TECPR2: variants seen among roughly 807,000 people sequenced by gnomAD.
TECPR2 encodes the protein tectonin beta-propeller repeat-containing protein 2.
TECPR2 carries 65 observed loss-of-function variants against 138.1 expected under a neutral mutation model. That is an observed-to-expected ratio of 0.47 (90% CI 0.39 to 0.58). The LOEUF is 0.58. Ranked by LOEUF, TECPR2 falls within the 20% of genes least tolerant of loss-of-function variation. TECPR2 has a pLI of 0.00. For missense variants in TECPR2, 1,553 were observed against 1,824.5 expected, an observed-to-expected ratio of 0.85 and a Z score of 2.71; for synonymous variants, 746 against 749.8, an observed-to-expected ratio of 0.99 and a Z score of 0.08.
intron 16 of TECPR2, among the ~76,000 whole-genome samples, chr14:102,463,327 G>A (rs1890456263): frequency 6.8e-6 from 1 of 146,002 alleles, no homozygotes; most frequent in African/African-American, 2.5e-5. Context: ...TGAGGCAGGA[G>A]AATGGCGTGA....
rs1888332040 is a variant in TECPR2 at position 102,396,943 on chromosome 14, TC to T, written c.220-10390del. Among the ~76,000 whole-genome samples the T allele has an allele frequency of 5.3e-5, 8 of 152,226 alleles. No homozygotes were observed. The South Asian group carries it at 1.7e-3, about 32-fold the overall frequency. On this transcript the variant is annotated intron_variant, in intron 2 of 19. Transcript: ENST00000359520. Reference sequence around the variant, plus strand: ...ACACCTCCTCATTATTGCAAGTTCTTCCCCCTCCAATTAACAAGACTTCCAG... The same window carrying T: ...ACACCTCCTCATTATTGCAAGTTCTTCCCCTCCAATTAACAAGACTTCCAG...
chr14:102,474,362 T>C (rs1300374688), intron 17 of TECPR2, among the ~76,000 whole-genome samples: 1 of 152,198 alleles, frequency 6.6e-6, no homozygotes, highest in African/African-American at 2.4e-5. Flanking sequence ...CGGTGGCTCA[T>C]GCCTGTAATG....
chr14:102,386,810 A>ATGT (rs3068224), intron 2 of TECPR2, among the ~76,000 whole-genome samples: 19 of 152,190 alleles, frequency 1.2e-4, no homozygotes, highest in Non-Finnish European at 2.1e-4. Flanking sequence ...TTAAATATTT[A>ATGT]TGTTGTTGTT....
At chr14:102,408,650 C>G in intron 4 of TECPR2, 31 bp downstream of exon 4, 1 of 1,569,242 alleles carries the variant, frequency 6.4e-7, no homozygotes, top group Non-Finnish European at 8.6e-7. Flanking sequence ...ACTGTTGGCT[C>G]TTACCTTCTT....
intron 2 of TECPR2, among the ~76,000 whole-genome samples, chr14:102,406,261 G>C (rs1888655519): frequency 6.6e-6 from 1 of 152,080 alleles, no homozygotes; most frequent in Non-Finnish European, 1.5e-5. Context: ...AAAATTGGGG[G>C]ATGAGGGCTG....
chr14:102,448,833 C>T (rs1390749690), intron 13 of TECPR2, among the ~76,000 whole-genome samples: 2 of 151,980 alleles, frequency 1.3e-5, no homozygotes, highest in African/African-American at 4.8e-5. Flanking sequence ...CACCACTGCA[C>T]TCCAGCCTGG....
intron 17 of TECPR2, among the ~76,000 whole-genome samples, chr14:102,474,608 G>A (rs528070079): frequency 6.6e-6 from 1 of 152,262 alleles, no homozygotes; most frequent in Admixed American, 6.5e-5. Context: ...TGGACAACAA[G>A]AGCGAAACTC....
chr14:102,465,955 C>G lies in TECPR2; in HGVS notation c.3789+666C>G, dbSNP rs1279107523. Among the ~76,000 whole-genome samples, 3 of 152,092 alleles carry G rather than the reference C, an allele frequency of 2.0e-5. No individual in the cohort carries two copies. The East Asian group carries it at 5.8e-4, about 29-fold the overall frequency. ...CTGTGGTTTTTTGAGACTTATTTGC[C>G]CAGACTCCTGCCAGCCCCCATTTGG... On this transcript the variant is annotated intron_variant, in intron 17 of 19. Coordinates refer to ENST00000359520, the MANE Select transcript of TECPR2 (RefSeq NM_014844.5).
intron 17 of TECPR2, among the ~76,000 whole-genome samples, chr14:102,468,668 C>T (rs1890602334): frequency 6.6e-6 from 1 of 152,134 alleles, no homozygotes; most frequent in Non-Finnish European, 1.5e-5. Flanking sequence ...TCATTTGCTT[C>T]TGCTTTTAGT....
rs1399217786 is a variant in TECPR2, at chr14:102,419,939, G to C, written c.639-5040G>C. 6.6e-6 allele frequency among the ~76,000 whole-genome samples: 1 copy of C among 152,148 alleles called. No homozygotes were observed. The highest frequency in any genetic ancestry group is 2.4e-5 in the African/African-American group (1 of 41,416). On this transcript the variant is annotated intron_variant, in intron 5 of 19. Coordinates refer to ENST00000359520, the MANE Select transcript of TECPR2 (RefSeq NM_014844.5). The surrounding 1 kb of genome is among the most constrained non-coding windows in gnomAD (Gnocchi z 4.8). Reference sequence around the variant, plus strand: ...CGCATGTGGGTAAGAGCCAGCAGCCGGTTCTGGAACCCCGCGACTAGCACA... The same window carrying C: ...CGCATGTGGGTAAGAGCCAGCAGCCCGTTCTGGAACCCCGCGACTAGCACA...
Position 102,468,305 on chromosome 14 carries a change from A to G in TECPR2, c.3789+3016A>G, listed in dbSNP as rs904421533. ...TGGATTCAAGTGATTCTACTGCCTC[A>G]GTCTCCTGAGTAGCTAGGATTACAG... On this transcript the variant is annotated intron_variant, in intron 17 of 19. Coordinates refer to ENST00000359520, the MANE Select transcript of TECPR2 (RefSeq NM_014844.5). Among the ~76,000 whole-genome samples the G allele has an allele frequency of 2.0e-5, 3 of 152,124 alleles. No individual in the cohort carries two copies. The East Asian group carries it at 5.8e-4, about 29-fold the overall frequency.
At chr14:102,405,540 G>A (rs1232453806) in intron 2 of TECPR2, among the ~76,000 whole-genome samples, 2 of 152,216 alleles carry the variant, frequency 1.3e-5, no homozygotes, top group African/African-American at 4.8e-5. Context: ...TGGTAAGGAT[G>A]TGAGAAATGG....
At chr14:102,364,564 G>A (rs769863742) in intron 1 of TECPR2, among the ~76,000 whole-genome samples, 36 of 152,176 alleles carry the variant, frequency 2.4e-4, no homozygotes, top group Admixed American at 2.0e-3. Context: ...GAAAACCAGT[G>A]GTGGGGAAGA....
intron 5 of TECPR2, among the ~76,000 whole-genome samples, chr14:102,422,075 A>C (rs1889198116): frequency 6.6e-6 from 1 of 152,188 alleles, no homozygotes; most frequent in South Asian, 2.1e-4. Context: ...GTTGTCTTCT[A>C]AACTTGAATA....
rs1567367211 is a variant in TECPR2, at chr14:102,498,830, A to G, written c.*573A>G. On this transcript the variant is annotated 3_prime_UTR_variant, in exon 20 of 20. Transcript: ENST00000359520. The stretch of plus-strand genomic sequence containing the variant: ...CGGGCTTGAGAGGAGAGCGCTGGCC[A>G]TGCCAGGAGAGAACCCACGCACATG... The G allele has an allele frequency of 3.3e-6, 2 of 603,190 alleles. No homozygotes were observed. Among genetic ancestry groups the G allele is most frequent in the Non-Finnish European group, 3.1e-6 (1 of 319,194 alleles). 37.4% of individuals were successfully genotyped at this position (603,190 alleles called of 1,614,324 possible).
chr14:102,455,778 A>AT (rs1489870641), intron 16 of TECPR2, among the ~76,000 whole-genome samples: 1 of 152,010 alleles, frequency 6.6e-6, no homozygotes, highest in African/African-American at 2.4e-5. Context: ...CACCTGGCTA[A>AT]TTTTTTGTAT....
intron 2 of TECPR2, among the ~76,000 whole-genome samples, chr14:102,396,168 T>A (rs1032670689): frequency 6.6e-6 from 1 of 151,326 alleles, no homozygotes; most frequent in African/African-American, 2.4e-5. Flanking sequence ...AGTGGCGCGA[T>A]CTCAGCTCAT....
intron 16 of TECPR2, among the ~76,000 whole-genome samples, chr14:102,464,062 A>G (rs995139712): frequency 6.6e-6 from 1 of 152,186 alleles, no homozygotes; most frequent in Non-Finnish European, 1.5e-5. Context: ...CAAACCTTAG[A>G]TCCTCCTTTG....
At chr14:102,393,844 G>C (rs1057108280) in intron 2 of TECPR2, among the ~76,000 whole-genome samples, 1 of 152,164 alleles carries the variant, frequency 6.6e-6, no homozygotes. Flanking sequence ...ATAGGCATGA[G>C]CCACCGCGCC....
Sources: gnomAD v4.1 joint callset for allele counts (sites outside exome capture counted in the v4.1 genomes callset) on GRCh38, gnomAD v4.1.1 for gene constraint, Gnocchi (gnomAD v3.1) non-coding constraint, MANE v1.5 for transcripts, NCBI Gene and HGNC (gene_info 2026-07-23, HGNC 2026-07-21) for gene names.